Variants in MB21D2 observed in about 807,000 individuals in gnomAD.
The protein encoded by MB21D2 is nucleotidyltransferase MB21D2.
MB21D2 carries 9 observed loss-of-function variants against 33.3 expected under a neutral mutation model. The observed-to-expected ratio is 0.27, with a 90% CI of 0.16 to 0.47. MB21D2 has a LOEUF of 0.47. MB21D2 is among the 20% of genes least tolerant of loss of function. MB21D2 has a pLI of 0.99. For synonymous variants in MB21D2, 241 were observed against 236.3 expected (o/e 1.02, Z -0.18); for missense variants, 540 against 624.6 (o/e 0.86, Z 1.44).
rs202242794 is a variant in MB21D2 at position 192,798,418 on chromosome 3, G to T, written c.1444C>A (p.Pro482Thr). ...VFINPDDVTR[P>T]HFRIDDKFF ...AATTTGTCATCAATTCTGAAATGGG[G>T]CCTTGTGACATCGTCAGGATTGATA... The change falls in exon 2 of 2, where the codon CCC becomes ACC. Residue 482 changes from proline (P) to threonine (T), a missense_variant. Coordinates refer to ENST00000392452, the MANE Select transcript of MB21D2 (RefSeq NM_178496.4). This position sits in a 1 kb window ranked among gnomAD's most constrained non-coding sequence, Gnocchi z 4.8. 7 of 1,614,184 alleles carry T rather than the reference G, an allele frequency of 4.3e-6. No homozygotes were observed. Among genetic ancestry groups the T allele is most frequent in the Non-Finnish European group, 5.9e-6 (7 of 1,180,028 alleles).
At chr3:192,877,591 C>G (rs1050251284) in intron 1 of MB21D2, among the ~76,000 whole-genome samples, 1 of 152,240 alleles carries the variant, frequency 6.6e-6, no homozygotes, top group Non-Finnish European at 1.5e-5. Flanking sequence ...TGTCCTCCCA[C>G]AAGACCTCAT....
intron 1 of MB21D2, among the ~76,000 whole-genome samples, chr3:192,898,346 T>C (rs1201303275): frequency 6.6e-6 from 1 of 151,990 alleles, no homozygotes; most frequent in Admixed American, 6.6e-5. Flanking sequence ...TGCATCACTA[T>C]CTCATACTTT....
At chr3:192,832,747 G>C (rs1354110449) in intron 1 of MB21D2, among the ~76,000 whole-genome samples, 1 of 152,162 alleles carries the variant, frequency 6.6e-6, no homozygotes, top group Non-Finnish European at 1.5e-5. Flanking sequence ...CCGAGAGATC[G>C]AGCCACTGCA....
intron 1 of MB21D2, among the ~76,000 whole-genome samples, chr3:192,845,517 C>T (rs1283017262): frequency 2.6e-5 from 4 of 152,238 alleles, no homozygotes; most frequent in Non-Finnish European, 5.9e-5. Context: ...CATCACAAGA[C>T]CGAAGAGTCA....
chr3:192,910,309 A>G (rs897250585), intron 1 of MB21D2, among the ~76,000 whole-genome samples: 1 of 151,580 alleles, frequency 6.6e-6, no homozygotes, highest in Non-Finnish European at 1.5e-5. Context: ...AAAAAAAAAA[A>G]AAAAAAAAAA....
intron 1 of MB21D2, among the ~76,000 whole-genome samples, chr3:192,828,619 T>TTTTGAG (rs1712238969): frequency 6.1e-5 from 1 of 16,356 alleles, no homozygotes; most frequent in African/African-American, 4.4e-4. Flanking sequence ...TATATATATA[T>TTTTGAG]ATATATATAT....
At chr3:192,882,986 G>A (rs1713639843) in intron 1 of MB21D2, among the ~76,000 whole-genome samples, 1 of 151,948 alleles carries the variant, frequency 6.6e-6, no homozygotes, top group Admixed American at 6.5e-5. Context: ...ACCCACCTCA[G>A]CCTCCCAAAG....
chr3:192,911,110 A>G (rs9682383), intron 1 of MB21D2, among the ~76,000 whole-genome samples: 93,420 of 152,026 alleles, frequency 0.61, 29,274 homozygotes, highest in African/African-American at 0.71. Context: ...TCCTGAGTGC[A>G]GAATATTGTC....
chr3:192,797,000 G>A lies in MB21D2; in HGVS notation c.*1386C>T, dbSNP rs1040112554. ...GGACATTCAAGACCAAAATGAACAC[G>A]TTACTTGCCCTTTCTATGAGTAGAC... is the stretch of plus-strand genomic sequence containing the variant. On this transcript the variant is annotated 3_prime_UTR_variant, in exon 2 of 2. Coordinates refer to ENST00000392452, the MANE Select transcript of MB21D2 (RefSeq NM_178496.4). The A allele has an allele frequency of 2.0e-5, 3 of 152,512 alleles. No homozygotes were observed. The highest frequency in any genetic ancestry group is 2.0e-4 in the Admixed American group (3 of 15,280). 9.4% of individuals were successfully genotyped at this position (152,512 alleles called of 1,614,324 possible). A position where few individuals can be genotyped will look rare whatever the true frequency, so the allele number is the denominator to read the frequency against.
intron 1 of MB21D2, among the ~76,000 whole-genome samples, chr3:192,820,748 C>T (rs1165686365): frequency 6.6e-6 from 1 of 152,188 alleles, no homozygotes; most frequent in Non-Finnish European, 1.5e-5. Context: ...ACTCGCGCTC[C>T]ACCCTGTTTT....
At chr3:192,911,088 TG>T (rs1321897925) in intron 1 of MB21D2, among the ~76,000 whole-genome samples, 1 of 152,210 alleles carries the variant, frequency 6.6e-6, no homozygotes, top group Non-Finnish European at 1.5e-5. Flanking sequence ...AGGTAAAATC[TG>T]GGTCTCTTGG....
chr3:192,872,547 G>C (rs1337885093), intron 1 of MB21D2, among the ~76,000 whole-genome samples: 1 of 147,726 alleles, frequency 6.8e-6, no homozygotes, highest in Admixed American at 6.8e-5. Flanking sequence ...CTGCACTCCA[G>C]CCTGGGCCAC....
chr3:192,906,775 C>T (rs2108654260), intron 1 of MB21D2, among the ~76,000 whole-genome samples: 2 of 152,356 alleles, frequency 1.3e-5, no homozygotes, highest in East Asian at 3.9e-4. Flanking sequence ...ACTCTGTGCA[C>T]TTACATAGTA....
At chr3:192,916,546 G>C (rs547027815) in intron 1 of MB21D2, among the ~76,000 whole-genome samples, 2 of 152,290 alleles carry the variant, frequency 1.3e-5, no homozygotes, top group African/African-American at 4.8e-5. Flanking sequence ...CGCTACCCTG[G>C]AGTACCAGTT....
At chr3:192,825,535 C>A (rs1446870524) in intron 1 of MB21D2, among the ~76,000 whole-genome samples, 2 of 152,172 alleles carry the variant, frequency 1.3e-5, no homozygotes. Flanking sequence ...ACATTCTCTC[C>A]TATTAAATGA....
intron 1 of MB21D2, among the ~76,000 whole-genome samples, chr3:192,891,772 C>T (rs904413438): frequency 7.2e-5 from 11 of 152,082 alleles, no homozygotes; most frequent in Admixed American, 7.2e-4. Context: ...AATGTGTCGG[C>T]ACAGACCAAG....
chr3:192,886,895 T>G (rs975782670), intron 1 of MB21D2, among the ~76,000 whole-genome samples: 1 of 152,058 alleles, frequency 6.6e-6, no homozygotes, highest in Non-Finnish European at 1.5e-5. Context: ...CATAAGTCCA[T>G]GTTCTTCTAC....
chr3:192,817,397 T>C (rs548537743), intron 1 of MB21D2, among the ~76,000 whole-genome samples: 54 of 148,932 alleles, frequency 3.6e-4, no homozygotes, highest in African/African-American at 1.2e-3. Context: ...ACCTGGTAGA[T>C]AGGAGAGAGG....
chr3:192,869,724 C>T (rs1207352079), intron 1 of MB21D2, among the ~76,000 whole-genome samples: 1 of 152,134 alleles, frequency 6.6e-6, no homozygotes, highest in Non-Finnish European at 1.5e-5. Context: ...GCCAGTTCTG[C>T]AGGAAGGAAG....
Sources: allele counts gnomAD v4.1 joint callset (sites outside exome capture counted in the v4.1 genomes callset), GRCh38; gene constraint gnomAD v4.1.1; non-coding constraint Gnocchi (gnomAD v3.1); transcripts MANE v1.5; gene names NCBI Gene and HGNC (gene_info 2026-07-23, HGNC 2026-07-21).